Variants in GLIS3 observed in about 807,000 individuals in gnomAD.
The protein encoded by GLIS3 is zinc finger protein GLIS3.
In GLIS3, 53 loss-of-function variants were observed where a neutral mutation model predicts 78.6. The observed-to-expected ratio is 0.67, with a 90% confidence interval of 0.54 to 0.85. GLIS3 has a LOEUF of 0.85. Among genes scored for constraint, GLIS3 ranks in the 40% least tolerant of loss-of-function variants. GLIS3 has a pLI of 0.00. For missense variants in GLIS3, 1,703 were observed against 1,231.1 expected, an observed-to-expected ratio of 1.38 and a Z score of -5.74; for synonymous variants, 684 against 509.9, an observed-to-expected ratio of 1.34 and a Z score of -4.60.
chr9:4,381,652 G>A, the GLIS3 span, among the ~76,000 whole-genome samples: 1 of 152,296 alleles, frequency 6.6e-6, no homozygotes, highest in East Asian at 1.9e-4. Context: ...AGTACTTCTT[G>A]ATTCATTTTA....
intron 8 of GLIS3, among the ~76,000 whole-genome samples, chr9:3,875,423 G>A (rs1414032802): frequency 6.7e-6 from 1 of 149,162 alleles, no homozygotes; most frequent in Admixed American, 6.7e-5. Flanking sequence ...TTCTGACAGT[G>A]ACTCAGCCCA....
chr9:4,125,610 T>A (rs906940231), intron 3 of GLIS3, 124 bp downstream of exon 3: 10 of 767,894 alleles, frequency 1.3e-5, no homozygotes, highest in African/African-American at 3.5e-5. Flanking sequence ...ATTGAGAGAG[T>A]TGCTTGAGTG....
intron 2 of GLIS3, among the ~76,000 whole-genome samples, chr9:4,338,156 G>A (rs1817781270): frequency 6.6e-6 from 1 of 151,896 alleles, no homozygotes; most frequent in African/African-American, 2.4e-5. Flanking sequence ...CGCTTCTCCT[G>A]ACTAGACAAG....
At chr9:4,039,031 C>G (rs1239458029) in intron 4 of GLIS3, among the ~76,000 whole-genome samples, 2 of 152,184 alleles carry the variant, frequency 1.3e-5, no homozygotes, top group East Asian at 3.9e-4. Context: ...TCATCCGTCT[C>G]TTACAAACTT....
In GLIS3 at chr9:4,015,799, G is replaced by C. The variant is rs1033890402; in HGVS notation, c.1711-78610C>G. The stretch of plus-strand genomic sequence containing the variant: ...AGCTACTTGGGAGGCTGAGGCAGGA[G>C]AACTGCTTGAACCCAGAAGGCGGAG... On this transcript the variant is annotated intron_variant, in intron 4 of 10. Transcript: ENST00000381971. Among the ~76,000 whole-genome samples the C allele has an allele frequency of 4.2e-5, 6 of 143,424 alleles. No individual in the cohort carries two copies. In the Admixed American group the frequency reaches 4.5e-4, roughly 11 times the overall value. The allele number at this position is 143,424 out of a possible 152,430, so 94.1% of individuals were successfully genotyped here.
the GLIS3 span, among the ~76,000 whole-genome samples, chr9:4,412,957 A>C: frequency 2.1e-4 from 32 of 152,314 alleles, no homozygotes; most frequent in East Asian, 6.0e-3. Context: ...CACGTGGAGC[A>C]CAGTCTCTTT....
chr9:3,895,251 C>G (rs1822744535), intron 7 of GLIS3, among the ~76,000 whole-genome samples: 1 of 152,220 alleles, frequency 6.6e-6, no homozygotes, highest in Non-Finnish European at 1.5e-5. Flanking sequence ...GAAATAGTCC[C>G]TCTTAGACTA....
chr9:4,327,745 C>T lies in GLIS3; in HGVS notation n.265-17217G>A, dbSNP rs374649099. Among the ~76,000 whole-genome samples the T allele has an allele frequency of 1.7e-3, 263 of 152,318 alleles. 12 individuals are homozygous for T. In the South Asian group the frequency reaches 0.052, roughly 30 times the overall value. On this transcript the variant is annotated intron_variant and non_coding_transcript_variant, in intron 2 of 4. Transcript: ENST00000471664. ...AGCCCCTGGAATTTTGCACAAGCAA[C>T]AGCCTGTGTGGCATGAGCAGTAGCA... is the stretch of plus-strand genomic sequence containing the variant.
intron 3 of GLIS3, among the ~76,000 whole-genome samples, chr9:4,124,415 G>A (rs888755605): frequency 5.3e-5 from 8 of 152,190 alleles, no homozygotes; most frequent in African/African-American, 1.9e-4. Context: ...CAGTTTCACC[G>A]TTAATTATAC....
intron 2 of GLIS3, among the ~76,000 whole-genome samples, chr9:4,191,947 G>T (rs1014125105): frequency 6.6e-6 from 1 of 152,040 alleles, no homozygotes; most frequent in Non-Finnish European, 1.5e-5. Flanking sequence ...GTTAAAGGAG[G>T]TTGGAAGTGA....
At chr9:4,334,924 TTTG>T (rs1248167061) in intron 2 of GLIS3, among the ~76,000 whole-genome samples, 16 of 148,414 alleles carry the variant, frequency 1.1e-4, no homozygotes, top group East Asian at 7.8e-4. Flanking sequence ...TTTTTTTTTT[TTTG>T]AAACGGAGTC....
intron 4 of GLIS3, among the ~76,000 whole-genome samples, chr9:3,967,986 C>G (rs957338004): frequency 6.6e-6 from 1 of 152,198 alleles, no homozygotes; most frequent in Non-Finnish European, 1.5e-5. Context: ...TCTTCAAAAA[C>G]TGGAATTACA....
intron 4 of GLIS3, among the ~76,000 whole-genome samples, chr9:4,047,640 G>A (rs925488579): frequency 1.3e-5 from 2 of 152,132 alleles, no homozygotes; most frequent in African/African-American, 4.8e-5. Flanking sequence ...TTCCTGACCT[G>A]AAGAAGCTCA....
chr9:4,171,902 A>C (rs1816405711), intron 2 of GLIS3, among the ~76,000 whole-genome samples: 1 of 152,194 alleles, frequency 6.6e-6, no homozygotes, highest in Non-Finnish European at 1.5e-5. Context: ...ATTTAAAGGG[A>C]AACCAATAAG....
At chr9:4,371,419 G>A in the GLIS3 span, among the ~76,000 whole-genome samples, 1 of 152,200 alleles carries the variant, frequency 6.6e-6, no homozygotes, top group Non-Finnish European at 1.5e-5. Flanking sequence ...TAAGTGCTAA[G>A]CCTTTCCTTT....
upstream of GLIS3, among the ~76,000 whole-genome samples, chr9:4,303,682 C>T (rs7018983): frequency 0.65 from 98,261 of 152,076 alleles, 33,140 homozygotes; most frequent in South Asian, 0.76. Flanking sequence ...TCAAATATTT[C>T]ACTCCATACA....
At chr9:4,177,957 T>C (rs1816954730) in intron 2 of GLIS3, among the ~76,000 whole-genome samples, 2 of 152,312 alleles carry the variant, frequency 1.3e-5, no homozygotes, top group Non-Finnish European at 2.9e-5. Context: ...AAATATTTCT[T>C]CCTTGATTCT....
chr9:4,135,574 C>G (rs937465015), intron 2 of GLIS3, among the ~76,000 whole-genome samples: 1 of 152,046 alleles, frequency 6.6e-6, no homozygotes, highest in African/African-American at 2.4e-5. Context: ...TATTATATTA[C>G]TCAAATAACA....
the GLIS3 span, among the ~76,000 whole-genome samples, chr9:4,472,580 G>C: frequency 1.3e-3 from 196 of 151,292 alleles, 1 homozygote; most frequent in African/African-American, 4.4e-3. Context: ...ACACAGGGTG[G>C]GGAACATCAT....
Sources: gnomAD v4.1 joint callset for allele counts (sites outside exome capture counted in the v4.1 genomes callset) on GRCh38, gnomAD v4.1.1 for gene constraint, MANE v1.5 for transcripts, NCBI Gene and HGNC (gene_info 2026-07-23, HGNC 2026-07-21) for gene names.